The following GNA14 variants were observed in gnomAD, a reference collection of about 807,000 sequenced individuals.
GNA14 encodes guanine nucleotide-binding protein subunit alpha-14.
Under a neutral mutation model 42.0 loss-of-function variants are expected in GNA14, and 50 were observed. The observed-to-expected ratio is 1.19, with a 90% CI of 0.95 to 1.51. GNA14 has a LOEUF of 1.51. Ranked by LOEUF, GNA14 falls within the 40% of genes most tolerant of loss-of-function variation. GNA14 has a pLI of 0.00. For synonymous variants in GNA14, 173 were observed against 163.1 expected, an observed-to-expected ratio of 1.06 and a Z score of -0.46; for missense variants, 473 against 446.2, an observed-to-expected ratio of 1.06 and a Z score of -0.54.
At chr9:77,451,933 A>G (rs1835908351) in intron 2 of GNA14, among the ~76,000 whole-genome samples, 1 of 152,228 alleles carries the variant, frequency 6.6e-6, no homozygotes, top group Admixed American at 6.5e-5. Flanking sequence ...GGTGAGTGAC[A>G]GATATTTGTG....
intron 1 of GNA14, among the ~76,000 whole-genome samples, chr9:77,574,544 G>C (rs2131798154): frequency 6.6e-6 from 1 of 152,092 alleles, no homozygotes; most frequent in East Asian, 1.9e-4. Flanking sequence ...TAAATGTGTA[G>C]GAATATGAGG....
intron 2 of GNA14, among the ~76,000 whole-genome samples, chr9:77,463,836 G>C (rs562574790): frequency 5.3e-5 from 8 of 152,262 alleles, no homozygotes; most frequent in African/African-American, 1.9e-4. Flanking sequence ...AATTTAGAAA[G>C]AATCCTGGGG....
chr9:77,472,107 A>G (rs939465069), intron 2 of GNA14, among the ~76,000 whole-genome samples: 1 of 152,144 alleles, frequency 6.6e-6, no homozygotes, highest in African/African-American at 2.4e-5. Context: ...CCAACTCCAT[A>G]CAGCTTTGCA....
chr9:77,429,040 T>C lies in GNA14; in HGVS notation c.594-4A>G, dbSNP rs1410478946. On this transcript the variant is annotated splice_polypyrimidine_tract_variant and splice_region_variant and intron_variant, in intron 4 of 6. Coordinates refer to ENST00000341700, the MANE Select transcript of GNA14 (RefSeq NM_004297.4). ...TTGGCCACCAACATCCACCATCCTGTTGTGTAGAAACACAGATCCTTCAAA... is the reference window on the plus strand; with the variant it reads ...TTGGCCACCAACATCCACCATCCTGCTGTGTAGAAACACAGATCCTTCAAA... 6.2e-7 allele frequency: 1 copy of C among 1,614,036 alleles called. No homozygotes were observed. Among genetic ancestry groups the C allele is most frequent in the South Asian group, 1.1e-5 (1 of 91,052 alleles).
At chr9:77,467,806 T>C (rs957662880) in intron 2 of GNA14, among the ~76,000 whole-genome samples, 1 of 151,958 alleles carries the variant, frequency 6.6e-6, no homozygotes, top group Non-Finnish European at 1.5e-5. Context: ...AAACTTATGC[T>C]CTACAAGTGG....
chr9:77,555,417 A>G (rs1426225419), intron 1 of GNA14, among the ~76,000 whole-genome samples: 1 of 152,048 alleles, frequency 6.6e-6, no homozygotes, highest in Admixed American at 6.6e-5. Context: ...GGTGGGAGTA[A>G]CGCTTGAGCC....
At chr9:77,538,114 A>G (rs974528341) in intron 1 of GNA14, among the ~76,000 whole-genome samples, 4 of 144,884 alleles carry the variant, frequency 2.8e-5, no homozygotes, top group Admixed American at 7.1e-5. Flanking sequence ...TCTGTTGCCC[A>G]GCCCAGAGTG....
At chr9:77,600,619 T>G (rs982665902) in intron 1 of GNA14, among the ~76,000 whole-genome samples, 8 of 151,772 alleles carry the variant, frequency 5.3e-5, no homozygotes, top group African/African-American at 1.9e-4. Flanking sequence ...GGAATGAGAG[T>G]GTGAAAAACA....
chr9:77,558,268 A>G (rs1054670518), intron 1 of GNA14, among the ~76,000 whole-genome samples: 1 of 151,174 alleles, frequency 6.6e-6, no homozygotes, highest in African/African-American at 2.4e-5. Context: ...GTCCAGCAAA[A>G]CAGAACAGAT....
At chr9:77,437,879 G>C (rs573303653) in intron 2 of GNA14, among the ~76,000 whole-genome samples, 1 of 152,312 alleles carries the variant, frequency 6.6e-6, no homozygotes, top group South Asian at 2.1e-4. Context: ...CTGAACTTCA[G>C]GGGCAGTTGT....
At chr9:77,625,525 A>G in intron 1 of GNA14, among the ~76,000 whole-genome samples, 1 of 152,218 alleles carries the variant, frequency 6.6e-6, no homozygotes. Flanking sequence ...CATCAGACTA[A>G]CAGCTGATCT....
At chr9:77,461,242 AG>A (rs1319512437) in intron 2 of GNA14, among the ~76,000 whole-genome samples, 1 of 152,238 alleles carries the variant, frequency 6.6e-6, no homozygotes, top group African/African-American at 2.4e-5. Flanking sequence ...ACAGCACACC[AG>A]CATGGGAGCA....
chr9:77,428,083 C>CT (rs975674188), intron 5 of GNA14, among the ~76,000 whole-genome samples: 144 of 114,678 alleles, frequency 1.3e-3, no homozygotes, highest in South Asian at 2.3e-3. Flanking sequence ...TTTTTTTTTT[C>CT]TTTTTTTTTT....
At chr9:77,525,002 C>G (rs1461414959) in intron 2 of GNA14, among the ~76,000 whole-genome samples, 1 of 152,140 alleles carries the variant, frequency 6.6e-6, no homozygotes, top group Non-Finnish European at 1.5e-5. Flanking sequence ...AGTACACCAA[C>G]TGATTAAATC....
intron 1 of GNA14, among the ~76,000 whole-genome samples, chr9:77,640,871 C>CAAAAAA (rs1178043976): frequency 2.6e-4 from 7 of 27,370 alleles, no homozygotes; most frequent in African/African-American, 6.1e-4. Flanking sequence ...ATAAAATGCT[C>CAAAAAA]AAAAAAAAAA....
At chr9:77,555,791 G>T (rs556211082) in intron 1 of GNA14, among the ~76,000 whole-genome samples, 2 of 152,306 alleles carry the variant, frequency 1.3e-5, no homozygotes, top group East Asian at 3.9e-4. Context: ...ATGTGTATTT[G>T]TTGGAGGAAA....
intron 1 of GNA14, among the ~76,000 whole-genome samples, chr9:77,626,945 A>G (rs1824021407): frequency 6.6e-6 from 1 of 152,226 alleles, no homozygotes; most frequent in Non-Finnish European, 1.5e-5. Flanking sequence ...TGAACGCAGG[A>G]GCTGGTTTTC....
chr9:77,585,342 C>CT (rs1823286729), intron 1 of GNA14, among the ~76,000 whole-genome samples: 1 of 152,076 alleles, frequency 6.6e-6, no homozygotes, highest in African/African-American at 2.4e-5. Flanking sequence ...TTGAAGTTTC[C>CT]TTTTGTAAGG....
intron 1 of GNA14, among the ~76,000 whole-genome samples, chr9:77,580,802 G>C (rs1027291372): frequency 1.3e-5 from 2 of 152,174 alleles, no homozygotes; most frequent in African/African-American, 4.8e-5. Flanking sequence ...TGCTAGACTA[G>C]TTGCACCTGA....
Sources: gnomAD v4.1 joint callset for allele counts (sites outside exome capture counted in the v4.1 genomes callset) on GRCh38, gnomAD v4.1.1 for gene constraint, MANE v1.5 for transcripts, NCBI Gene and HGNC (gene_info 2026-07-23, HGNC 2026-07-21) for gene names.